The following ELP4 variants were observed in gnomAD, a reference collection of about 807,000 sequenced individuals.
ELP4 encodes elongator acetyltransferase complex subunit 4, also known as elongator complex protein 4.
A neutral mutation model predicts 48.9 loss-of-function variants in ELP4; 51 were observed. The observed-to-expected ratio is 1.04, with a 90% CI of 0.83 to 1.32. The LOEUF (loss-of-function observed/expected upper bound fraction) is 1.32, where lower values mean the gene tolerates loss of function less well. Among genes scored for constraint, ELP4 ranks in the 40% most tolerant of loss-of-function variants. The pLI is 0.00. For missense variants in ELP4, 519 were observed against 514.6 expected (o/e 1.01, Z -0.08); for synonymous variants, 210 against 189.2 (o/e 1.11, Z -0.90).
rs748618717 is a variant in ELP4 at position 31,627,129 on chromosome 11, A to G, written c.673A>G (p.Thr225Ala). The change falls in exon 6 of 10, where the codon ACA becomes GCA. Residue 225 changes from threonine to alanine, a missense_variant. Transcript: ENST00000640961. ...CAACAGTTCTTTGACCCCTGGCTAC[A>G]CAAAGCTGCTTCAGTTTATCCAGAA... ...VEPCSLTPGY[T>A]KLLQFIQNII... The G allele has an allele frequency of 6.2e-7, 1 of 1,608,776 alleles. No homozygotes were observed. Among genetic ancestry groups the G allele is most frequent in the South Asian group, 1.1e-5 (1 of 90,246 alleles).
At chr11:31,599,091 G>A (rs553374437) in intron 4 of ELP4, 1 of 152,116 alleles carries the variant, frequency 6.6e-6, no homozygotes, top group Non-Finnish European at 1.5e-5. Context: ...AGCTCAATGA[G>A]AGAAAGGGAC....
At chr11:31,535,670 T>TA (rs1401374600) in intron 2 of ELP4, among the ~76,000 whole-genome samples, 6 of 152,200 alleles carry the variant, frequency 3.9e-5, no homozygotes, top group Non-Finnish European at 7.3e-5. Context: ...AGTGACTTTT[T>TA]ACGACTGTAT....
chr11:31,684,129 T>C (rs368033705), intron 9 of ELP4, among the ~76,000 whole-genome samples: 10 of 152,244 alleles, frequency 6.6e-5, no homozygotes, highest in African/African-American at 2.4e-4. Context: ...TTCCAGAGTT[T>C]ATGTTTATAT....
intron 8 of ELP4, 169 bp from the exon 9 acceptor site, chr11:31,649,942 ATTAC>A (rs1945285715): frequency 2.3e-6 from 1 of 425,672 alleles, no homozygotes; most frequent in Non-Finnish European, 4.2e-6. Flanking sequence ...ATTCTGCTTG[ATTAC>A]TTGAGTATAA....
intron 9 of ELP4, among the ~76,000 whole-genome samples, chr11:31,676,752 G>A (rs760982677): frequency 1.3e-5 from 2 of 152,168 alleles, no homozygotes; most frequent in Non-Finnish European, 2.9e-5. Flanking sequence ...AAGAGGCTTA[G>A]AGAGGTTAAG....
chr11:31,607,009 G>A (rs1177209865), intron 5 of ELP4, among the ~76,000 whole-genome samples: 1 of 152,124 alleles, frequency 6.6e-6, no homozygotes, highest in Non-Finnish European at 1.5e-5. Flanking sequence ...GGACCCTGGT[G>A]TGATAAGATT....
intron 9 of ELP4, among the ~76,000 whole-genome samples, chr11:31,771,772 G>A (rs1948147962): frequency 6.6e-6 from 1 of 152,186 alleles, no homozygotes; most frequent in African/African-American, 2.4e-5. Context: ...AAGGTCAGGA[G>A]ATCAAGACCA....
At chr11:31,764,644 A>G (rs1565145876) in intron 9 of ELP4, among the ~76,000 whole-genome samples, 1 of 152,226 alleles carries the variant, frequency 6.6e-6, no homozygotes, top group African/African-American at 2.4e-5. Context: ...CCAGGGCATC[A>G]TATAAAAGAT....
intron 5 of ELP4, among the ~76,000 whole-genome samples, chr11:31,617,420 G>C (rs939366926): frequency 6.6e-6 from 1 of 151,980 alleles, no homozygotes; most frequent in Admixed American, 6.6e-5. Context: ...CAGGGGTTGA[G>C]GGAAAGAGGG....
chr11:31,521,531 A>G (rs760543893), intron 2 of ELP4, among the ~76,000 whole-genome samples: 24 of 152,124 alleles, frequency 1.6e-4, no homozygotes, highest in Non-Finnish European at 3.4e-4. Flanking sequence ...TAGGAATTAC[A>G]TCCCTTTTTA....
chr11:31,556,898 A>T (rs1048746605), intron 3 of ELP4, among the ~76,000 whole-genome samples: 5 of 151,898 alleles, frequency 3.3e-5, no homozygotes, highest in African/African-American at 1.2e-4. Context: ...GTTTACTAAA[A>T]GCTTATAGTA....
intron 5 of ELP4, among the ~76,000 whole-genome samples, chr11:31,617,746 C>G (rs1324795476): frequency 6.7e-6 from 1 of 148,168 alleles, no homozygotes; most frequent in African/African-American, 2.5e-5. Context: ...AAAAAAAACA[C>G]CCCAAAAGCA....
chr11:31,644,822 G>A (rs532187452), intron 7 of ELP4, among the ~76,000 whole-genome samples: 4 of 151,754 alleles, frequency 2.6e-5, no homozygotes, highest in African/African-American at 4.8e-5. Flanking sequence ...AAACACATAC[G>A]TTTATAAGCC....
chr11:31,528,193 G>A (rs544478500), intron 2 of ELP4, among the ~76,000 whole-genome samples: 2 of 152,020 alleles, frequency 1.3e-5, no homozygotes, highest in South Asian at 4.1e-4. Flanking sequence ...GAAATTGCCT[G>A]ATCGTGATTA....
intron 3 of ELP4, among the ~76,000 whole-genome samples, chr11:31,556,467 GCA>G (rs3073911): frequency 0.26 from 39,830 of 151,492 alleles, 5,449 homozygotes; most frequent in South Asian, 0.34. Flanking sequence ...ATATACACGT[GCA>G]CACACAATTT....
intron 9 of ELP4, among the ~76,000 whole-genome samples, chr11:31,751,107 C>T (rs1048073423): frequency 6.6e-6 from 1 of 152,150 alleles, no homozygotes; most frequent in Non-Finnish European, 1.5e-5. Context: ...TAGAGAAGTA[C>T]ATACAATACA....
At chr11:31,590,747 A>G (rs1446434870) in intron 3 of ELP4, among the ~76,000 whole-genome samples, 5 of 152,184 alleles carry the variant, frequency 3.3e-5, no homozygotes, top group African/African-American at 7.2e-5. Context: ...ACATGGGAGG[A>G]GCAGGAGCAA....
chr11:31,775,597 G>A (rs1352122390), intron 9 of ELP4, among the ~76,000 whole-genome samples: 1 of 152,146 alleles, frequency 6.6e-6, no homozygotes, highest in African/African-American at 2.4e-5. Context: ...CACTTTCGGA[G>A]GCCAAGGCAG....
At chr11:31,625,308 G>A (rs776855186) in intron 5 of ELP4, among the ~76,000 whole-genome samples, 1 of 151,658 alleles carries the variant, frequency 6.6e-6, no homozygotes, top group East Asian at 1.9e-4. Flanking sequence ...GTGCATGACT[G>A]TATATCTAAA....
Sources: allele counts gnomAD v4.1 joint callset (sites outside exome capture counted in the v4.1 genomes callset), GRCh38; gene constraint gnomAD v4.1.1; transcripts MANE v1.5; gene names NCBI Gene and HGNC (gene_info 2026-07-23, HGNC 2026-07-21).